Variants in DFFB observed in about 807,000 individuals in gnomAD.
The protein encoded by DFFB is DNA fragmentation factor 40 kDa subunit.
A neutral mutation model predicts 32.7 loss-of-function variants in DFFB; 29 were observed. That is an observed-to-expected ratio of 0.89 (90% CI 0.66 to 1.21). DFFB has a LOEUF of 1.21. DFFB is among the 50% of genes most tolerant of loss of function. DFFB has a pLI of 0.00. For missense variants in DFFB, 398 were observed against 440.6 expected (o/e 0.90, Z 0.87); for synonymous variants, 170 against 177.1 (o/e 0.96, Z 0.32).
chr1:3,863,416 G>A (rs1644915306), intron 2 of DFFB, among the ~76,000 whole-genome samples: 1 of 152,172 alleles, frequency 6.6e-6, no homozygotes, highest in Non-Finnish European at 1.5e-5. Flanking sequence ...CCATTGATGG[G>A]AAGGGAAAAC....
At chr1:3,874,772 A>G (rs34480881) in intron 6 of DFFB, among the ~76,000 whole-genome samples, 14,893 of 116,838 alleles carry the variant, frequency 0.13, 1,254 homozygotes, top group South Asian at 0.16. Flanking sequence ...TACCACACGC[A>G]TGTGAATTTA....
intron 4 of DFFB, among the ~76,000 whole-genome samples, chr1:3,868,628 G>GGCCACACCACACCAA (rs1645035237): frequency 6.6e-5 from 3 of 45,278 alleles, no homozygotes; most frequent in African/African-American, 7.0e-5. Flanking sequence ...CACCACACCA[G>GGCCACACCACACCAA]GCCACACCAC....
In DFFB at chr1:3,868,071, C is replaced by T; in HGVS notation, c.510+18C>T. 1.9e-6 allele frequency: 3 copies of T among 1,612,628 alleles called. No individual in the cohort carries two copies. Among genetic ancestry groups the T allele is most frequent in the Non-Finnish European group, 2.5e-6 (3 of 1,178,710 alleles). The stretch of plus-strand genomic sequence containing the variant: ...TGAGGGAGGTGAGCCTGAGTGAAGA[C>T]CGGGTATGCTGGGCGGGTTTTTGAA... On this transcript the variant is annotated intron_variant, in intron 4 of 6. Coordinates refer to ENST00000378209, the MANE Select transcript of DFFB (RefSeq NM_004402.4).
chr1:3,870,462 G>A (rs1246009110), intron 5 of DFFB, among the ~76,000 whole-genome samples: 1 of 152,220 alleles, frequency 6.6e-6, no homozygotes, highest in African/African-American at 2.4e-5. Context: ...CTTCTGGGGT[G>A]ATGGGCTCTG....
chr1:3,873,115 C>T, intron 6 of DFFB: 1 of 539,660 alleles, frequency 1.9e-6, no homozygotes. Context: ...CTGCCTCAGC[C>T]TCCTGAGTCG....
intron 2 of DFFB, among the ~76,000 whole-genome samples, chr1:3,863,995 T>A (rs893838872): frequency 1.3e-5 from 2 of 152,014 alleles, no homozygotes; most frequent in African/African-American, 4.8e-5. Flanking sequence ...TGAGATGAAG[T>A]CTTGCTCTCT....
intron 6 of DFFB, among the ~76,000 whole-genome samples, chr1:3,879,038 A>G (rs927643626): frequency 6.6e-6 from 1 of 152,246 alleles, no homozygotes; most frequent in Non-Finnish European, 1.5e-5. Flanking sequence ...ACTTTGAAGA[A>G]TAACTCCATT....
intron 6 of DFFB, among the ~76,000 whole-genome samples, chr1:3,873,438 G>T (rs1438034760): frequency 6.6e-6 from 1 of 151,592 alleles, no homozygotes; most frequent in East Asian, 1.9e-4. Context: ...CCAACATGAC[G>T]CTCAGAGGAG....
chr1:3,872,366 T>C (rs1384017616), intron 5 of DFFB, 106 bp from the exon 6 acceptor site: 1 of 772,966 alleles, frequency 1.3e-6, no homozygotes, highest in Non-Finnish European at 2.2e-6. Context: ...TAAGCCGAGA[T>C]CGGGCCACTG....
At chr1:3,875,858 C>T (rs1480956517) in intron 6 of DFFB, among the ~76,000 whole-genome samples, 2 of 152,140 alleles carry the variant, frequency 1.3e-5, no homozygotes, top group African/African-American at 4.8e-5. Context: ...CTCACTGCCA[C>T]CTCCACCTCC....
chr1:3,870,337 C>T lies in DFFB; in HGVS notation c.681+562C>T, dbSNP rs376860272. 4.2e-3 allele frequency among the ~76,000 whole-genome samples: 634 copies of T among 152,340 alleles called. 4 individuals carry two copies. The highest frequency in any genetic ancestry group is 6.6e-3 in the Non-Finnish European group (451 of 68,032). ...ATTCCCGGTAAGGTCCACTGATGCC[C>T]GTGATCTTCCGAGTGCCACTCAGTG... On this transcript the variant is annotated intron_variant, in intron 5 of 6. Transcript: ENST00000378209.
chr1:3,881,965 C>T (rs1400564159), intron 6 of DFFB, among the ~76,000 whole-genome samples: 1 of 152,164 alleles, frequency 6.6e-6, no homozygotes, highest in Admixed American at 6.5e-5. Context: ...ACCATAAGCC[C>T]TCCTGGCCGT....
intron 6 of DFFB, among the ~76,000 whole-genome samples, chr1:3,874,948 T>TA (rs1645194727): frequency 6.6e-6 from 1 of 151,694 alleles, no homozygotes; most frequent in Admixed American, 6.6e-5. Flanking sequence ...AACGTGTACA[T>TA]ACGTGGCGGC....
In DFFB at chr1:3,872,477, CT is replaced by C. The variant is rs755710345; in HGVS notation, c.690del (p.Phe230LeufsTer32). 5 of 1,613,946 alleles carry C rather than the reference CT, an allele frequency of 3.1e-6. No individual in the cohort carries two copies. The South Asian group carries it at 4.4e-5, about 14-fold the overall frequency. ...CATTGTCTTTTGGCCCCCAGGGTCC[CT>C]TTGACATGGACAGCTGCTTATCAAG... Reference protein sequence around the residue: ...PEGWFSCQGPFDMDSCLSRHS... With the variant: ...PEGWFSCQGPXDMDSCLSRHS... On this transcript the variant is annotated frameshift_variant, in exon 6 of 7. Transcript: ENST00000378209. LOFTEE classifies it high-confidence loss of function.
chr1:3,883,951 A>T lies in DFFB; in HGVS notation c.*210A>T. 1 of 564,428 alleles carries T rather than the reference A, an allele frequency of 1.8e-6. No homozygotes were observed. 35.0% of individuals were successfully genotyped at this position (564,428 alleles called of 1,614,324 possible). A position where few individuals can be genotyped will look rare whatever the true frequency, so the allele number is the denominator to read the frequency against. On this transcript the variant is annotated 3_prime_UTR_variant, in exon 7 of 7. Coordinates refer to ENST00000378209, the MANE Select transcript of DFFB (RefSeq NM_004402.4). ...TTGTTTTGTTTTGTTTTGTAGATGGAGTTTCACTTTTGTTGCCCAGGCTGG... is the reference window on the plus strand; with the variant it reads ...TTGTTTTGTTTTGTTTTGTAGATGGTGTTTCACTTTTGTTGCCCAGGCTGG...
chr1:3,867,919 C>T (rs1557715018), intron 3 of DFFB, 55 bp from the exon 4 acceptor site: 2 of 1,560,064 alleles, frequency 1.3e-6, no homozygotes, highest in East Asian at 4.5e-5. Flanking sequence ...GGACACAGAC[C>T]CAGAGGCCCC....
chr1:3,872,995 C>A, intron 6 of DFFB: 1 of 1,272,206 alleles, frequency 7.9e-7, no homozygotes, highest in Non-Finnish European at 1.0e-6. Context: ...GTGTTTTTCC[C>A]TTTTTCTTTT....
intron 4 of DFFB, among the ~76,000 whole-genome samples, chr1:3,868,903 C>T (rs963285892): frequency 1.3e-5 from 2 of 152,262 alleles, no homozygotes; most frequent in Non-Finnish European, 2.9e-5. Flanking sequence ...CTTCGAGGTC[C>T]TGGCGACTTG....
Position 3,872,787 on chromosome 1 carries a change from T to A in DFFB, c.782+215T>A, listed in dbSNP as rs564580619. On this transcript the variant is annotated intron_variant, in intron 6 of 6. Transcript: ENST00000378209. ...TGCTGAGTGGGCACACACCATTCCC[T>A]CCACTGTCAGCATGTGTACCTGACC... Among the ~76,000 whole-genome samples the A allele has an allele frequency of 5.9e-5, 9 of 152,256 alleles. No homozygotes were observed. In the South Asian group the frequency reaches 1.9e-3, roughly 32 times the overall value.
Sources: allele counts gnomAD v4.1 joint callset (sites outside exome capture counted in the v4.1 genomes callset), GRCh38; gene constraint gnomAD v4.1.1; transcripts MANE v1.5; gene names NCBI Gene and HGNC (gene_info 2026-07-23, HGNC 2026-07-21).